Variants in HECW1 observed in about 807,000 individuals in gnomAD.
HECW1 encodes the protein HECT, C2 and WW domain containing E3 ubiquitin protein ligase 1.
HECW1 carries 61 observed loss-of-function variants against 182.3 expected under a neutral mutation model. The observed-to-expected ratio is 0.33, with a 90% CI of 0.27 to 0.41. HECW1 has a LOEUF of 0.41. Ranked by LOEUF, HECW1 falls within the 10% of genes least tolerant of loss-of-function variation. The pLI is 1.00. For missense variants in HECW1, 1,739 were observed against 2,108.9 expected (o/e 0.82, Z 3.44); for synonymous variants, 859 against 832.6 (o/e 1.03, Z -0.55).
chr7:43,217,421 C>G (rs1796541766), intron 2 of HECW1, among the ~76,000 whole-genome samples: 1 of 152,154 alleles, frequency 6.6e-6, no homozygotes, highest in South Asian at 2.1e-4. Context: ...TGCATGAGTT[C>G]TGGTAACTAG....
chr7:43,268,651 C>T (rs941203301), intron 3 of HECW1, among the ~76,000 whole-genome samples: 4 of 152,222 alleles, frequency 2.6e-5, no homozygotes, highest in Non-Finnish European at 5.9e-5. Context: ...CCTGGGGGCT[C>T]CTGAGAGTCA....
chr7:43,113,103 G>A (rs553180440), intron 1 of HECW1, among the ~76,000 whole-genome samples, 166 bp downstream of exon 1: 4 of 152,178 alleles, frequency 2.6e-5, no homozygotes, highest in African/African-American at 7.2e-5. Flanking sequence ...TCAATTGTCA[G>A]CCTGGGTCGC....
At chr7:43,171,501 CAG>C (rs1791686576) in intron 2 of HECW1, among the ~76,000 whole-genome samples, 1 of 152,116 alleles carries the variant, frequency 6.6e-6, no homozygotes, top group East Asian at 1.9e-4. Flanking sequence ...AGACGACCCT[CAG>C]GGGCTCCAAG....
intron 6 of HECW1, among the ~76,000 whole-genome samples, chr7:43,395,803 G>A (rs1298915746): frequency 6.6e-6 from 1 of 152,146 alleles, no homozygotes; most frequent in East Asian, 1.9e-4. Context: ...GCCCTGTGAT[G>A]CCCAGTCATT....
chr7:43,551,726 A>T (rs2081835190), intron 27 of HECW1, among the ~76,000 whole-genome samples: 1 of 152,274 alleles, frequency 6.6e-6, no homozygotes, highest in Admixed American at 6.5e-5. Flanking sequence ...TAAGTCAATG[A>T]TCATCGTTCA....
intron 7 of HECW1, among the ~76,000 whole-genome samples, chr7:43,401,568 T>G (rs2075408876): frequency 6.4e-5 from 1 of 15,698 alleles, no homozygotes; most frequent in African/African-American, 5.1e-4. Flanking sequence ...TTTAAAAAGG[T>G]TTTTTTTTTT....
At chr7:43,219,782 T>G (rs564987014) in intron 2 of HECW1, among the ~76,000 whole-genome samples, 5 of 152,348 alleles carry the variant, frequency 3.3e-5, no homozygotes, top group Non-Finnish European at 5.9e-5. Context: ...CAGGGCTGTC[T>G]GCTTGTGGAT....
intron 6 of HECW1, among the ~76,000 whole-genome samples, chr7:43,382,339 G>C (rs1449928553): frequency 6.6e-6 from 1 of 151,950 alleles, no homozygotes; most frequent in Non-Finnish European, 1.5e-5. Context: ...TGGAAAGTGT[G>C]TCTGAGGATG....
chr7:43,130,816 CGTT>C (rs1786831325), intron 2 of HECW1, among the ~76,000 whole-genome samples: 1 of 152,146 alleles, frequency 6.6e-6, no homozygotes, highest in East Asian at 1.9e-4. Flanking sequence ...ACATTTCAAA[CGTT>C]GTAGTATTTC....
intron 2 of HECW1, chr7:43,240,099 T>C (rs1798734043): frequency 6.6e-6 from 1 of 152,178 alleles, no homozygotes; most frequent in Admixed American, 6.5e-5. Flanking sequence ...TCCCAGCACT[T>C]TGGGAGGCCG....
At chr7:43,319,194 T>C (rs1250498179) in intron 4 of HECW1, among the ~76,000 whole-genome samples, 1 of 151,256 alleles carries the variant, frequency 6.6e-6, no homozygotes, top group Non-Finnish European at 1.5e-5. Flanking sequence ...GAGACCATCC[T>C]GGGTAACACG....
Position 43,466,139 on chromosome 7 carries a change from AAGAG to A in HECW1, c.2792-300_2792-297del, listed in dbSNP as rs766192433. ...AAAGAAAGAAAAAGAAAGAAAGGGA[AAGAG>A]AGAGAGAAAGAAGGAAGGAAGGAAA... is the stretch of plus-strand genomic sequence containing the variant. On this transcript the variant is annotated intron_variant, in intron 14 of 29. Transcript: ENST00000395891. 7.5e-5 allele frequency among the ~76,000 whole-genome samples: 11 copies of A among 146,660 alleles called. No homozygotes were observed. The South Asian group carries it at 9.1e-4, about 12-fold the overall frequency.
intron 8 of HECW1, among the ~76,000 whole-genome samples, chr7:43,408,439 T>C (rs1314316938): frequency 6.6e-6 from 1 of 151,484 alleles, no homozygotes; most frequent in Non-Finnish European, 1.5e-5. Flanking sequence ...AGGTAGCTCT[T>C]AGGGAGGCTA....
chr7:43,360,268 C>T (rs1815704771), intron 5 of HECW1, among the ~76,000 whole-genome samples: 1 of 149,934 alleles, frequency 6.7e-6, no homozygotes, highest in Non-Finnish European at 1.5e-5. Context: ...CTGGAGTGCA[C>T]TGATGTGATT....
At chr7:43,392,039 A>G (rs1406832282) in intron 6 of HECW1, among the ~76,000 whole-genome samples, 1 of 152,176 alleles carries the variant, frequency 6.6e-6, no homozygotes. Flanking sequence ...TCAGCTGCCA[A>G]TACACCACAG....
In HECW1 at chr7:43,296,488, T is replaced by C. The variant is rs541206976; in HGVS notation, c.28-15275T>C. 2.6e-5 allele frequency among the ~76,000 whole-genome samples: 4 copies of C among 152,288 alleles called. No homozygotes were observed. In the East Asian group the frequency reaches 7.7e-4, roughly 29 times the overall value. On this transcript the variant is annotated intron_variant, in intron 3 of 29. Transcript: ENST00000395891. ...TCATGACAAGACACACACTCATGAA[T>C]GCTCAACTCTGAACTTGGCGGCGCA...
intron 2 of HECW1, among the ~76,000 whole-genome samples, chr7:43,196,162 T>C (rs998117165): frequency 1.3e-5 from 2 of 152,216 alleles, no homozygotes; most frequent in African/African-American, 4.8e-5. Context: ...ATTCTTATCT[T>C]ACCTCCAGTG....
intron 14 of HECW1, 107 bp from the exon 15 acceptor site, chr7:43,466,340 T>G: frequency 8.9e-7 from 1 of 1,128,736 alleles, no homozygotes; most frequent in East Asian, 2.3e-5. Flanking sequence ...TCCAACAGTC[T>G]GCTGTGTGGG....
intron 24 of HECW1, among the ~76,000 whole-genome samples, chr7:43,521,843 G>A (rs1161511840): frequency 6.6e-6 from 1 of 152,208 alleles, no homozygotes; most frequent in East Asian, 1.9e-4. Flanking sequence ...TTGCACTCCA[G>A]CCTGAGCAAC....
Sources: gnomAD v4.1 joint callset for allele counts (sites outside exome capture counted in the v4.1 genomes callset) on GRCh38, gnomAD v4.1.1 for gene constraint, MANE v1.5 for transcripts, NCBI Gene and HGNC (gene_info 2026-07-23, HGNC 2026-07-21) for gene names.